Variants in PPARGC1A observed in about 807,000 individuals in gnomAD.
The protein encoded by PPARGC1A is peroxisome proliferator-activated receptor gamma coactivator 1-alpha.
Under a neutral mutation model 88.7 loss-of-function variants are expected in PPARGC1A, and 25 were observed. The observed-to-expected ratio is 0.28, with a 90% CI of 0.21 to 0.39. The LOEUF (loss-of-function observed/expected upper bound fraction) is 0.39, where lower values mean the gene tolerates loss of function less well. PPARGC1A is among the 10% of genes least tolerant of loss of function. The pLI is 1.00. For missense variants in PPARGC1A, 880 were observed against 968.7 expected, an observed-to-expected ratio of 0.91 and a Z score of 1.22; for synonymous variants, 363 against 355.6, an observed-to-expected ratio of 1.02 and a Z score of -0.24.
chr4:24,061,250 G>A, the PPARGC1A span, among the ~76,000 whole-genome samples: 1 of 152,136 alleles, frequency 6.6e-6, no homozygotes, highest in South Asian at 2.1e-4. Flanking sequence ...GTGAATGTGG[G>A]TTGGATTCAC....
At chr4:24,006,367 A>C in the PPARGC1A span, among the ~76,000 whole-genome samples, 1 of 152,096 alleles carries the variant, frequency 6.6e-6, no homozygotes, top group African/African-American at 2.4e-5. Flanking sequence ...TTCCATGGGG[A>C]GTTCTACTGA....
At chr4:24,154,321 C>T in the PPARGC1A span, among the ~76,000 whole-genome samples, 2 of 152,180 alleles carry the variant, frequency 1.3e-5, no homozygotes, top group African/African-American at 4.8e-5. Context: ...TTCAAATTCC[C>T]CACAGGATCT....
the PPARGC1A span, among the ~76,000 whole-genome samples, chr4:23,946,665 A>G: frequency 6.6e-6 from 1 of 152,144 alleles, no homozygotes; most frequent in African/African-American, 2.4e-5. Context: ...AAATCCTGCT[A>G]CCAAAGTGTA....
At chr4:24,241,282 A>T in the PPARGC1A span, among the ~76,000 whole-genome samples, 84 of 152,366 alleles carry the variant, frequency 5.5e-4, no homozygotes, top group Non-Finnish European at 1.0e-3. Flanking sequence ...TGTAAAAGAA[A>T]AAAAGGCTAT....
the PPARGC1A span, among the ~76,000 whole-genome samples, chr4:24,226,170 G>A: frequency 7.5e-3 from 1,139 of 152,252 alleles, 12 homozygotes; most frequent in African/African-American, 0.026. Context: ...GTGACATGAT[G>A]ATTTCCTGTA....
the PPARGC1A span, among the ~76,000 whole-genome samples, chr4:24,394,986 A>T: frequency 1.3e-5 from 2 of 152,238 alleles, no homozygotes; most frequent in African/African-American, 4.8e-5. Context: ...TCCTGATATA[A>T]CTAGAGCTAT....
chr4:24,433,964 C>A, the PPARGC1A span, among the ~76,000 whole-genome samples: 3 of 152,296 alleles, frequency 2.0e-5, no homozygotes, highest in African/African-American at 7.2e-5. Flanking sequence ...GCTTTTCCCA[C>A]CCACGGAAGA....
At chr4:24,325,562 C>G in the PPARGC1A span, among the ~76,000 whole-genome samples, 1 of 152,136 alleles carries the variant, frequency 6.6e-6, no homozygotes, top group Non-Finnish European at 1.5e-5. Context: ...CCCATCTGTG[C>G]GGGACCCCAC....
the PPARGC1A span, among the ~76,000 whole-genome samples, chr4:24,104,285 G>T: frequency 6.6e-6 from 1 of 152,132 alleles, no homozygotes; most frequent in African/African-American, 2.4e-5. Flanking sequence ...CATCCTTCTT[G>T]CAGCTTCAGT....
chr4:24,314,095 A>G, the PPARGC1A span, among the ~76,000 whole-genome samples: 1 of 152,248 alleles, frequency 6.6e-6, no homozygotes, highest in Non-Finnish European at 1.5e-5. Flanking sequence ...TCAAAGATTC[A>G]TACATATGTC....
At chr4:24,132,621 T>C in the PPARGC1A span, among the ~76,000 whole-genome samples, 3 of 152,208 alleles carry the variant, frequency 2.0e-5, no homozygotes, top group Non-Finnish European at 2.9e-5. Context: ...ATGTTTTTCC[T>C]CTACCCTCTG....
At chr4:23,965,025 T>C in the PPARGC1A span, among the ~76,000 whole-genome samples, 3 of 152,170 alleles carry the variant, frequency 2.0e-5, no homozygotes, top group Non-Finnish European at 4.4e-5. Context: ...AAAGGCTCAC[T>C]TCATTAGCTA....
chr4:23,978,435 G>A, the PPARGC1A span, among the ~76,000 whole-genome samples: 1 of 152,302 alleles, frequency 6.6e-6, no homozygotes, highest in South Asian at 2.1e-4. Flanking sequence ...ACTTTAGGTG[G>A]TTTGGCAATT....
the PPARGC1A span, among the ~76,000 whole-genome samples, chr4:24,467,512 G>A: frequency 6.6e-6 from 1 of 151,978 alleles, no homozygotes; most frequent in African/African-American, 2.4e-5. Flanking sequence ...TGCCAACATT[G>A]TCACCACTTT....
intron 10 of PPARGC1A, among the ~76,000 whole-genome samples, chr4:23,811,545 G>T (rs552322372): frequency 6.6e-6 from 1 of 152,098 alleles, no homozygotes; most frequent in South Asian, 2.1e-4. Context: ...TTCCATTATC[G>T]ATTAGGAATG....
the PPARGC1A span, among the ~76,000 whole-genome samples, chr4:24,401,170 C>T: frequency 2.0e-5 from 3 of 151,946 alleles, no homozygotes; most frequent in East Asian, 5.8e-4. Context: ...AGGCGCCCAC[C>T]ACTACGCCCG....
At chr4:24,445,470 G>C in the PPARGC1A span, among the ~76,000 whole-genome samples, 1 of 152,148 alleles carries the variant, frequency 6.6e-6, no homozygotes, top group Non-Finnish European at 1.5e-5. Context: ...CACAGGCCCT[G>C]TTTGGAATAC....
the PPARGC1A span, among the ~76,000 whole-genome samples, chr4:24,067,024 G>T: frequency 6.6e-6 from 1 of 151,936 alleles, no homozygotes; most frequent in South Asian, 2.1e-4. Flanking sequence ...ACAGTTAAAT[G>T]ATTAACAGAT....
chr4:24,178,423 G>A, the PPARGC1A span, among the ~76,000 whole-genome samples: 9 of 152,004 alleles, frequency 5.9e-5, no homozygotes, highest in Admixed American at 2.6e-4. Context: ...AACATACATG[G>A]GGCTACACAG....
Sources: allele counts gnomAD v4.1 joint callset (sites outside exome capture counted in the v4.1 genomes callset), GRCh38; gene constraint gnomAD v4.1.1; transcripts MANE v1.5; gene names NCBI Gene and HGNC (gene_info 2026-07-23, HGNC 2026-07-21).